Variants in IGHMBP2 observed in about 807,000 individuals in gnomAD.
IGHMBP2 encodes immunoglobulin mu DNA binding protein 2.
Under a neutral mutation model 96.0 loss-of-function variants are expected in IGHMBP2, and 81 were observed. The observed-to-expected ratio is 0.84, with a 90% CI of 0.71 to 1.01. The LOEUF (loss-of-function observed/expected upper bound fraction) is 1.01, where lower values mean the gene tolerates loss of function less well. IGHMBP2 is among the 50% of genes least tolerant of loss of function. The pLI, the probability that IGHMBP2 is intolerant of heterozygous loss-of-function variation, is 0.00. For missense variants in IGHMBP2, 1,227 were observed against 1,306.3 expected, an observed-to-expected ratio of 0.94 and a Z score of 0.94; for synonymous variants, 557 against 548.9, an observed-to-expected ratio of 1.01 and a Z score of -0.21.
chr11:68,917,894 G>T lies in IGHMBP2; in HGVS notation c.1060+11G>T, dbSNP rs761888334. On this transcript the variant is annotated intron_variant, in intron 7 of 14. Coordinates refer to ENST00000255078, the MANE Select transcript of IGHMBP2 (RefSeq NM_002180.3). Reference sequence around the variant, plus strand: ...TTGCAACAAACACAGGTGAGGGGGCGTCTCCATCCTGCCTGTGTGGCCTCG... The same window carrying T: ...TTGCAACAAACACAGGTGAGGGGGCTTCTCCATCCTGCCTGTGTGGCCTCG... 1 of 1,613,574 alleles carries T rather than the reference G, an allele frequency of 6.2e-7. No individual in the cohort carries two copies. The highest frequency in any genetic ancestry group is 8.5e-7 in the Non-Finnish European group (1 of 1,179,774).
intron 7 of IGHMBP2, among the ~76,000 whole-genome samples, chr11:68,919,838 C>CT (rs1448887657): frequency 6.6e-6 from 1 of 152,096 alleles, no homozygotes; most frequent in African/African-American, 2.4e-5. Context: ...TGATAATATT[C>CT]TTTTTTTGAA....
chr11:68,924,421 C>T (rs930500778), intron 7 of IGHMBP2, among the ~76,000 whole-genome samples: 2 of 152,226 alleles, frequency 1.3e-5, no homozygotes, highest in African/African-American at 2.4e-5. Context: ...TTTATCTGGG[C>T]GGAGAGCCCA....
At chr11:68,919,203 C>G (rs1020539932) in intron 7 of IGHMBP2, among the ~76,000 whole-genome samples, 5 of 150,208 alleles carry the variant, frequency 3.3e-5, no homozygotes, top group Admixed American at 3.3e-4. Context: ...GTCCCCGTCC[C>G]CGTCCTGTGT....
chr11:68,916,711 C>T (rs1286913194), intron 6 of IGHMBP2, among the ~76,000 whole-genome samples: 7 of 152,024 alleles, frequency 4.6e-5, no homozygotes, highest in South Asian at 4.1e-4. Context: ...AGGCTGCTTG[C>T]GTGGCTGCTT....
intron 5 of IGHMBP2, among the ~76,000 whole-genome samples, chr11:68,913,066 A>AAAAAAAC (rs1858505660): frequency 6.6e-6 from 1 of 150,650 alleles, no homozygotes; most frequent in Admixed American, 6.6e-5. Flanking sequence ...AAAAAAAAAA[A>AAAAAAAC]AACCAAAAAA....
Position 68,927,087 on chromosome 11 carries a change from T to G in IGHMBP2, c.1061-2096T>G, listed in dbSNP as rs377723896. On this transcript the variant is annotated intron_variant, in intron 7 of 14. Coordinates refer to ENST00000255078, the MANE Select transcript of IGHMBP2 (RefSeq NM_002180.3). The stretch of plus-strand genomic sequence containing the variant: ...CTCAAGTATCTGTTGATTGCCTTTT[T>G]TCCCCTGAATATTGGCCATATTTTC... Among the ~76,000 whole-genome samples the G allele has an allele frequency of 5.6e-4, 85 of 152,312 alleles. 1 individual carries two copies. The South Asian group carries it at 0.017, about 30-fold the overall frequency.
intron 9 of IGHMBP2, 81 bp from the exon 10 acceptor site, chr11:68,933,714 G>T: frequency 8.5e-7 from 1 of 1,181,846 alleles, no homozygotes. Context: ...TTTTCCTCGT[G>T]GGAGGGGTCG....
intron 9 of IGHMBP2, 105 bp downstream of exon 9, chr11:68,933,586 G>A: frequency 4.3e-6 from 6 of 1,405,356 alleles, no homozygotes; most frequent in Non-Finnish European, 5.9e-6. Flanking sequence ...CTGCATGAAA[G>A]TCGACTCTGA....
chr11:68,904,320 A>G lies in IGHMBP2; in HGVS notation c.86+282A>G, dbSNP rs142921345. On this transcript the variant is annotated intron_variant, in intron 1 of 14. Transcript: ENST00000255078. ...ACTCCTGGGCCCTGGCCCCGACCCC[A>G]GTTCCACCCGCAGCGAGTTAGCAGC... is the stretch of plus-strand genomic sequence containing the variant. Among the ~76,000 whole-genome samples, 1,373 of 151,974 alleles carry G rather than the reference A, an allele frequency of 9.0e-3. 14 individuals carry two copies. Among genetic ancestry groups the G allele is most frequent in the Non-Finnish European group, 0.012 (790 of 67,908 alleles).
At chr11:68,904,096 A>C (rs1385241627) in intron 1 of IGHMBP2, 58 bp downstream of exon 1, 1 of 1,371,782 alleles carries the variant, frequency 7.3e-7, no homozygotes, top group African/African-American at 1.5e-5. Context: ...TCCCGGGCAG[A>C]GTCTCCGAGG....
intron 7 of IGHMBP2, among the ~76,000 whole-genome samples, chr11:68,925,936 A>C (rs1386172564): frequency 7.0e-6 from 1 of 143,508 alleles, no homozygotes; most frequent in Non-Finnish European, 1.6e-5. Flanking sequence ...AGTAAATTAC[A>C]TGGAGTTTGT....
intron 5 of IGHMBP2, among the ~76,000 whole-genome samples, chr11:68,913,061 A>AAAAAAAAC (rs1566428407): frequency 1.5e-4 from 23 of 149,358 alleles, no homozygotes; most frequent in Middle Eastern, 3.5e-3. Flanking sequence ...AAAAAAAAAA[A>AAAAAAAAC]AAAAAAACCA....
chr11:68,926,831 T>A (rs902585908), intron 7 of IGHMBP2, among the ~76,000 whole-genome samples: 24 of 152,102 alleles, frequency 1.6e-4, no homozygotes, highest in Non-Finnish European at 2.9e-5. Flanking sequence ...CGTAGCGTGA[T>A]CTCGGCCTGC....
chr11:68,929,644 C>A (rs1264520135), intron 8 of IGHMBP2: 2 of 666,344 alleles, frequency 3.0e-6, no homozygotes, highest in African/African-American at 2.0e-5. Flanking sequence ...AGTTGAATAT[C>A]CCCTCATGAA....
intron 13 of IGHMBP2, chr11:68,937,680 C>T (rs946955274): frequency 3.0e-5 from 7 of 230,572 alleles, no homozygotes; most frequent in South Asian, 6.2e-5. Context: ...GAGCGTGTAG[C>T]GGTCTTGGGG....
At position 68,911,361 on chromosome 11, in the gene IGHMBP2, G is replaced by A. The variant is rs921734174; in HGVS notation, c.548-79G>A. ...TCCTGACAGGCATCACTCATCCCCC[G>A]GGGCACACACTCTCTGAGGAGGAAC... On this transcript the variant is annotated intron_variant, in intron 4 of 14. Transcript: ENST00000255078. The A allele has an allele frequency of 1.2e-5, 17 of 1,460,908 alleles. 1 individual carries two copies. Among genetic ancestry groups the A allele is most frequent in the South Asian group, 5.8e-5 (5 of 85,968 alleles). 90.5% of individuals were successfully genotyped at this position (1,460,908 alleles called of 1,614,324 possible). A position where few individuals can be genotyped will look rare whatever the true frequency, so the allele number is the denominator to read the frequency against.
At chr11:68,934,599 G>T (rs1445281067) in intron 11 of IGHMBP2, 41 bp downstream of exon 11, 3 of 1,438,214 alleles carry the variant, frequency 2.1e-6, no homozygotes, top group African/African-American at 2.8e-5. Context: ...AGCAGCTGGG[G>T]CTCACACAAC....
chr11:68,919,775 G>A (rs1467018749), intron 7 of IGHMBP2, among the ~76,000 whole-genome samples: 2 of 152,104 alleles, frequency 1.3e-5, no homozygotes, highest in Admixed American at 6.5e-5. Context: ...GTGGGGCTAT[G>A]TTTTCTTGAT....
At chr11:68,908,478 C>A in intron 3 of IGHMBP2, 56 bp from the exon 4 acceptor site, 2 of 1,494,566 alleles carry the variant, frequency 1.3e-6, no homozygotes, top group Non-Finnish European at 1.9e-6. Flanking sequence ...AGCATTGGGG[C>A]AGAGGCTCGG....
Sources: allele counts gnomAD v4.1 joint callset (sites outside exome capture counted in the v4.1 genomes callset), GRCh38; gene constraint gnomAD v4.1.1; transcripts MANE v1.5; gene names NCBI Gene and HGNC (gene_info 2026-07-23, HGNC 2026-07-21).